The following PEPD variants were observed in gnomAD, a reference collection of about 807,000 sequenced individuals.
PEPD encodes the protein xaa-Pro dipeptidase.
In PEPD, 53 loss-of-function variants were observed where a neutral mutation model predicts 60.7. The ratio of observed to expected loss-of-function variants is 0.87; its 90% confidence interval spans 0.70 to 1.10. The LOEUF (loss-of-function observed/expected upper bound fraction) is 1.10, where lower values mean the gene tolerates loss of function less well. Ranked by LOEUF, PEPD falls within the 50% of genes least tolerant of loss-of-function variation. The probability of loss-of-function intolerance (pLI) is 0.00; values close to 1 mark genes in which losing one functional copy is unlikely to be tolerated. For missense variants in PEPD, 711 were observed against 711.9 expected (o/e 1.00, Z 0.01); for synonymous variants, 267 against 284.1 (o/e 0.94, Z 0.60).
intron 6 of PEPD, among the ~76,000 whole-genome samples, chr19:33,484,464 G>T (rs1233216376): frequency 2.6e-5 from 4 of 152,082 alleles, no homozygotes; most frequent in Non-Finnish European, 5.9e-5. Context: ...CACAGAGACA[G>T]GCATACGCTT....
In PEPD at chr19:33,391,495, A is replaced by G; in HGVS notation, c.968-16T>C. ...CACCAGACACCTGTGGGCCAGAGGG[A>G]GCTGCCGTGAGCCACAGAGCCCAGC... On this transcript the variant is annotated splice_polypyrimidine_tract_variant and intron_variant, in intron 12 of 14. Coordinates refer to ENST00000244137, the MANE Select transcript of PEPD (RefSeq NM_000285.4). The G allele has an allele frequency of 6.5e-7, 1 of 1,547,376 alleles. No homozygotes were observed. Among genetic ancestry groups the G allele is most frequent in the Non-Finnish European group, 8.7e-7 (1 of 1,146,210 alleles).
intron 9 of PEPD, among the ~76,000 whole-genome samples, chr19:33,459,544 C>T (rs755209070): frequency 6.6e-5 from 10 of 152,152 alleles, no homozygotes; most frequent in Non-Finnish European, 1.2e-4. Flanking sequence ...TTACCCAACA[C>T]GGACGTCTTA....
chr19:33,438,090 C>G (rs891058221), intron 9 of PEPD, among the ~76,000 whole-genome samples: 15 of 152,362 alleles, frequency 9.8e-5, no homozygotes, highest in Middle Eastern at 3.4e-3. Context: ...GCCCTCCAAT[C>G]ACACCAGCTG....
chr19:33,473,295 C>A (rs1970160120), intron 7 of PEPD, among the ~76,000 whole-genome samples: 1 of 152,130 alleles, frequency 6.6e-6, no homozygotes, highest in Admixed American at 6.5e-5. Context: ...ATCCTTTTCA[C>A]AGACACACCG....
intron 9 of PEPD, among the ~76,000 whole-genome samples, chr19:33,446,382 G>A (rs1049336507): frequency 1.3e-5 from 2 of 152,202 alleles, no homozygotes; most frequent in Non-Finnish European, 2.9e-5. Context: ...AGCCAACACT[G>A]GGGAGAGACG....
chr19:33,447,990 T>C (rs1265712067), intron 9 of PEPD, among the ~76,000 whole-genome samples: 1 of 152,192 alleles, frequency 6.6e-6, no homozygotes, highest in East Asian at 1.9e-4. Flanking sequence ...GCCTCAACTT[T>C]GGTTTTATCA....
chr19:33,415,063 G>A (rs77619050), intron 9 of PEPD, among the ~76,000 whole-genome samples: 2,731 of 152,274 alleles, frequency 0.018, 36 homozygotes, highest in Middle Eastern at 0.031. Context: ...AGCCCTGTGC[G>A]CCAGGCCAGA....
intron 9 of PEPD, among the ~76,000 whole-genome samples, chr19:33,414,619 C>G (rs914149346): frequency 7.7e-6 from 1 of 129,788 alleles, no homozygotes. Flanking sequence ...GCAGTCGTTG[C>G]GGCCGCCCAA....
chr19:33,494,520 T>C (rs529758949), intron 4 of PEPD, among the ~76,000 whole-genome samples: 1 of 152,256 alleles, frequency 6.6e-6, no homozygotes, highest in Non-Finnish European at 1.5e-5. Flanking sequence ...GCTTTGCTCA[T>C]AAAAACAGAG....
At chr19:33,454,749 A>C (rs1969765218) in intron 9 of PEPD, among the ~76,000 whole-genome samples, 2 of 152,230 alleles carry the variant, frequency 1.3e-5, no homozygotes, top group Admixed American at 6.5e-5. Context: ...GGTGGCACAC[A>C]GTGACTGCTT....
At chr19:33,510,052 C>T (rs77105468) in intron 3 of PEPD, among the ~76,000 whole-genome samples, 89 of 152,372 alleles carry the variant, frequency 5.8e-4, no homozygotes, top group African/African-American at 2.0e-3. Flanking sequence ...CCCTCAGGCA[C>T]GCACAGGGCC....
chr19:33,400,595 G>T (rs1282403520), intron 12 of PEPD, among the ~76,000 whole-genome samples: 1 of 152,238 alleles, frequency 6.6e-6, no homozygotes, highest in African/African-American at 2.4e-5. Flanking sequence ...GGAGCCATGT[G>T]CCTGTAGAGG....
intron 1 of PEPD, among the ~76,000 whole-genome samples, chr19:33,519,960 A>G (rs1971100332): frequency 6.6e-6 from 1 of 151,962 alleles, no homozygotes; most frequent in Non-Finnish European, 1.5e-5. Flanking sequence ...CCAGCTACTC[A>G]GGAGGCTGAG....
At chr19:33,468,978 C>T (rs909826330) in intron 7 of PEPD, among the ~76,000 whole-genome samples, 4 of 152,258 alleles carry the variant, frequency 2.6e-5, no homozygotes, top group Admixed American at 1.3e-4. Context: ...TCCCGAGGTC[C>T]GAACCCACTT....
chr19:33,461,194 C>A (rs1022694486), intron 9 of PEPD, among the ~76,000 whole-genome samples: 1 of 152,118 alleles, frequency 6.6e-6, no homozygotes, highest in Non-Finnish European at 1.5e-5. Context: ...GACACGATGT[C>A]TAGGATTTGG....
intron 3 of PEPD, among the ~76,000 whole-genome samples, chr19:33,506,120 C>T (rs1311049842): frequency 6.9e-6 from 1 of 145,242 alleles, no homozygotes; most frequent in Non-Finnish European, 1.5e-5. Context: ...TCATTACACC[C>T]TACACACACA....
At chr19:33,413,989 G>A (rs556387611) in intron 9 of PEPD, among the ~76,000 whole-genome samples, 17 of 152,316 alleles carry the variant, frequency 1.1e-4, no homozygotes, top group Admixed American at 9.8e-4. Context: ...GTGGGAAGCC[G>A]GGCTGGGGCA....
chr19:33,472,191 G>A (rs1970133357), intron 7 of PEPD, among the ~76,000 whole-genome samples: 1 of 151,986 alleles, frequency 6.6e-6, no homozygotes, highest in African/African-American at 2.4e-5. Flanking sequence ...AGCTAGGCAT[G>A]GGAGTGTGCA....
chr19:33,503,693 C>A (rs746056013), intron 3 of PEPD, among the ~76,000 whole-genome samples: 1 of 152,216 alleles, frequency 6.6e-6, no homozygotes, highest in Non-Finnish European at 1.5e-5. Context: ...AACACATCAA[C>A]TCGGACTTTC....
Sources: gnomAD v4.1 joint callset for allele counts (sites outside exome capture counted in the v4.1 genomes callset) on GRCh38, gnomAD v4.1.1 for gene constraint, MANE v1.5 for transcripts, NCBI Gene and HGNC (gene_info 2026-07-23, HGNC 2026-07-21) for gene names.